The following PTPRC variants were observed in gnomAD, a reference collection of about 807,000 sequenced individuals.
PTPRC encodes the protein receptor-type tyrosine-protein phosphatase C.
Under a neutral mutation model 155.9 loss-of-function variants are expected in PTPRC, and 44 were observed. The ratio of observed to expected loss-of-function variants is 0.28; its 90% confidence interval spans 0.22 to 0.36. The LOEUF (loss-of-function observed/expected upper bound fraction) is 0.36. Ranked by LOEUF, PTPRC falls within the 10% of genes least tolerant of loss-of-function variation. The pLI is 1.00. For missense variants in PTPRC, 1,401 were observed against 1,564.6 expected (o/e 0.90, Z 1.76); for synonymous variants, 525 against 533.1 (o/e 0.98, Z 0.21).
rs1398324670 is a variant in PTPRC, at chr1:198,756,091, G to A, written c.3831G>A (p.Gln1277=). ...APEKLPEAKE[Q]AEGSEPTSGT... is the part of the protein sequence containing the mutation. ...AAAAGCTCCCTGAAGCAAAGGAACA[G>A]GCTGAAGGTTCTGAACCCACGAGTG... The change falls in exon 33 of 33, where the codon CAG becomes CAA. Residue 1277 remains glutamine (Q), a synonymous_variant. Coordinates refer to ENST00000442510, the MANE Select transcript of PTPRC (RefSeq NM_002838.5). 2 of 1,613,490 alleles carry A rather than the reference G, an allele frequency of 1.2e-6. No homozygotes were observed. The highest frequency in any genetic ancestry group is 3.3e-5 in the Admixed American group (2 of 59,896).
intron 28 of PTPRC, 30 bp from the exon 29 acceptor site, chr1:198,750,462 C>T (rs367683400): frequency 1.0e-5 from 16 of 1,604,934 alleles, no homozygotes; most frequent in Admixed American, 6.7e-5. Context: ...TCTGTAGTAA[C>T]GAAGTCCCAC....
chr1:198,657,032 T>C (rs116227589), intron 2 of PTPRC, among the ~76,000 whole-genome samples: 9,527 of 150,952 alleles, frequency 0.063, 383 homozygotes, highest in Non-Finnish European at 0.094. Flanking sequence ...TTTTTTTTAA[T>C]ACATATAGTG....
intron 2 of PTPRC, among the ~76,000 whole-genome samples, chr1:198,657,045 T>C (rs1478870312): frequency 1.3e-5 from 2 of 150,896 alleles, no homozygotes; most frequent in Non-Finnish European, 3.0e-5. Flanking sequence ...ATATAGTGTA[T>C]ATATATAAAT....
intron 14 of PTPRC, among the ~76,000 whole-genome samples, chr1:198,719,098 A>T (rs971464312): frequency 3.3e-5 from 5 of 152,124 alleles, no homozygotes; most frequent in Admixed American, 2.0e-4. Flanking sequence ...AATTCCTAAA[A>T]ATGCATTTAT....
At chr1:198,680,154 G>T (rs1256685972) in intron 2 of PTPRC, 4 of 394,136 alleles carry the variant, frequency 1.0e-5, no homozygotes, top group Non-Finnish European at 1.8e-5. Flanking sequence ...TCATTTATAG[G>T]ATTTTAAAAA....
At chr1:198,656,653 G>GTTTTTTTTT (rs67367377) in intron 2 of PTPRC, among the ~76,000 whole-genome samples, 1 of 141,698 alleles carries the variant, frequency 7.1e-6, no homozygotes, top group Non-Finnish European at 1.5e-5. Flanking sequence ...TTTGTTTTTT[G>GTTTTTTTTT]TTTTTTTTTT....
intron 12 of PTPRC, 98 bp downstream of exon 12, chr1:198,713,170 C>A: frequency 5.8e-6 from 9 of 1,540,080 alleles, no homozygotes; most frequent in Non-Finnish European, 7.2e-6. Flanking sequence ...AAGCTCTCTG[C>A]TTAGAGACTG....
At position 198,754,367 on chromosome 1, in the gene PTPRC, C is replaced by G; in HGVS notation, c.3608C>G (p.Ala1203Gly). ...EVVDIFQVVK[A>G]LRKARPGMVS... Reference sequence around the variant, plus strand: ...GTGGATATTTTTCAAGTGGTAAAAGCTCTACGCAAAGCTAGGCCAGGCATG... The same window carrying G: ...GTGGATATTTTTCAAGTGGTAAAAGGTCTACGCAAAGCTAGGCCAGGCATG... The change falls in exon 32 of 33, where the codon GCT becomes GGT. Residue 1203 changes from alanine to glycine, a missense_variant. Around this residue, in one of 3 missense-constraint regions of PTPRC, gnomAD observed 400 missense variants for 389.5 expected, o/e 1.03. Transcript: ENST00000442510. 1 of 1,613,416 alleles carries G rather than the reference C, an allele frequency of 6.2e-7. No homozygotes were observed. The highest frequency in any genetic ancestry group is 1.1e-5 in the South Asian group (1 of 91,066).
At chr1:198,680,168 T>C in intron 2 of PTPRC, 1 of 383,866 alleles carries the variant, frequency 2.6e-6, no homozygotes, top group Non-Finnish European at 4.7e-6. Context: ...TTAAAAATAT[T>C]ATTAAAGGCT....
chr1:198,682,529 A>G (rs1033093755), intron 2 of PTPRC, among the ~76,000 whole-genome samples: 2 of 152,214 alleles, frequency 1.3e-5, no homozygotes, highest in African/African-American at 4.8e-5. Flanking sequence ...TTTCTACATA[A>G]CTAGATTAAA....
At chr1:198,736,817 G>A (rs1017037075) in intron 23 of PTPRC, among the ~76,000 whole-genome samples, 1 of 151,606 alleles carries the variant, frequency 6.6e-6, no homozygotes, top group Non-Finnish European at 1.5e-5. Flanking sequence ...CATTGTCTGA[G>A]GGTTTTCTTT....
rs1332346612 is a variant in PTPRC at position 198,752,255 on chromosome 1, T to A, written c.3214T>A (p.Cys1072Ser). The change falls in exon 30 of 33, where the codon TGT becomes AGT. Residue 1072 changes from cysteine (C) to serine (S), a missense_variant. Coordinates refer to ENST00000442510, the MANE Select transcript of PTPRC (RefSeq NM_002838.5). ...TELKHGDQEI[C>S]AQYWGEGKQT... ...ATTGTCTTCTTTTATCTAGGAAATC[T>A]GTGCTCAGTACTGGGGAGAAGGAAA... is the stretch of plus-strand genomic sequence containing the variant. 4 of 1,611,416 alleles carry A rather than the reference T, an allele frequency of 2.5e-6. No homozygotes were observed. Among genetic ancestry groups the A allele is most frequent in the Non-Finnish European group, 3.4e-6 (4 of 1,178,122 alleles).
At chr1:198,737,882 G>A (rs1338274567) in intron 23 of PTPRC, among the ~76,000 whole-genome samples, 3 of 151,308 alleles carry the variant, frequency 2.0e-5, no homozygotes, top group African/African-American at 7.3e-5. Flanking sequence ...CACTTCTTTG[G>A]TTAAGTTTAT....
At position 198,700,768 on chromosome 1, in the gene PTPRC, A is replaced by C. The variant is rs553312465; in HGVS notation, c.439+1064A>C. Among the ~76,000 whole-genome samples the C allele has an allele frequency of 1.9e-3, 283 of 152,366 alleles. 2 individuals carry two copies. Among genetic ancestry groups the C allele is most frequent in the South Asian group, 5.2e-3 (25 of 4,824 alleles). On this transcript the variant is annotated intron_variant, in intron 5 of 32. Coordinates refer to ENST00000442510, the MANE Select transcript of PTPRC (RefSeq NM_002838.5). ...CTCAAAGAAGTGGCTAATTCCACTG[A>C]TGAAAAATCTATTAGGATTAATCAA...
intron 2 of PTPRC, chr1:198,657,575 T>G (rs1663665989): frequency 6.6e-6 from 1 of 152,202 alleles, no homozygotes; most frequent in Non-Finnish European, 1.5e-5. Flanking sequence ...ATTTTACTTC[T>G]CTTGCTGCTT....
In PTPRC at chr1:198,652,031, G is replaced by A. The variant is rs547406076; in HGVS notation, c.73+12690G>A. Among the ~76,000 whole-genome samples the A allele has an allele frequency of 3.4e-3, 512 of 151,898 alleles. 3 individuals carry two copies. Among genetic ancestry groups the A allele is most frequent in the Non-Finnish European group, 5.1e-3 (343 of 67,856 alleles). ...AAACAGAATTATGGTTAAAACAAAA[G>A]AGTAAGTAACTTAAATATGATCTAT... On this transcript the variant is annotated intron_variant, in intron 2 of 32. Coordinates refer to ENST00000442510, the MANE Select transcript of PTPRC (RefSeq NM_002838.5).
Position 198,734,239 on chromosome 1 carries a change from T to G in PTPRC, c.2179+7T>G, listed in dbSNP as rs374310257. ...AAATACATTGCTGCACAAGGTAATT[T>G]CTTTGATAATCCAATATTCTTTTTG... On this transcript the variant is annotated splice_region_variant and intron_variant, in intron 21 of 32. Coordinates refer to ENST00000442510, the MANE Select transcript of PTPRC (RefSeq NM_002838.5). 5.0e-6 allele frequency: 8 copies of G among 1,610,736 alleles called. No individual in the cohort carries two copies. In the African/African-American group the frequency reaches 1.1e-4, roughly 22 times the overall value.
Position 198,756,876 on chromosome 1 carries a change from T to G in PTPRC, c.*695T>G, listed in dbSNP as rs899026187. The G allele has an allele frequency of 6.6e-6, 1 of 151,960 alleles. No individual in the cohort carries two copies. Among genetic ancestry groups the G allele is most frequent in the Non-Finnish European group, 1.5e-5 (1 of 67,902 alleles). 9.4% of individuals were successfully genotyped at this position (151,960 alleles called of 1,614,324 possible). A position where few individuals can be genotyped will look rare whatever the true frequency, so the allele number is the denominator to read the frequency against. ...TTTCCAGTGAGCTTATCATGCTGTC[T>G]TTACATGGGGTTTTCAATTTTGCAT... On this transcript the variant is annotated 3_prime_UTR_variant, in exon 33 of 33. Coordinates refer to ENST00000442510, the MANE Select transcript of PTPRC (RefSeq NM_002838.5).
intron 2 of PTPRC, among the ~76,000 whole-genome samples, chr1:198,674,887 T>C (rs1048126332): frequency 6.6e-6 from 1 of 152,220 alleles, no homozygotes; most frequent in African/African-American, 2.4e-5. Flanking sequence ...GGTACAATGC[T>C]ATTAACCAAA....
Sources: gnomAD v4.1 joint callset for allele counts (sites outside exome capture counted in the v4.1 genomes callset) on GRCh38, gnomAD v4.1.1 for gene constraint, gnomAD v4.1.1 regional missense constraint, MANE v1.5 for transcripts, NCBI Gene and HGNC (gene_info 2026-07-23, HGNC 2026-07-21) for gene names.